CSNK1G1: variants seen among roughly 807,000 people sequenced by gnomAD.
The protein encoded by CSNK1G1 is casein kinase I isoform gamma-1.
CSNK1G1 carries 22 observed loss-of-function variants against 59.6 expected under a neutral mutation model. That is an observed-to-expected ratio of 0.37 (90% CI 0.26 to 0.53). The LOEUF is 0.53. Ranked by LOEUF, CSNK1G1 falls within the 20% of genes least tolerant of loss-of-function variation. The probability of loss-of-function intolerance (pLI) is 0.89; values close to 1 mark genes in which losing one functional copy is unlikely to be tolerated. For synonymous variants in CSNK1G1, 179 were observed against 177.1 expected (o/e 1.01, Z -0.08); for missense variants, 384 against 519.5 (o/e 0.74, Z 2.54).
At chr15:64,340,085 A>T (rs920093580) in intron 1 of CSNK1G1, among the ~76,000 whole-genome samples, 2 of 152,148 alleles carry the variant, frequency 1.3e-5, no homozygotes, top group Non-Finnish European at 2.9e-5. Flanking sequence ...TCATTTTTTT[A>T]AAAAACTGAG....
intron 4 of CSNK1G1, among the ~76,000 whole-genome samples, chr15:64,217,172 G>A (rs1482671614): frequency 6.6e-6 from 1 of 152,218 alleles, no homozygotes; most frequent in Non-Finnish European, 1.5e-5. Flanking sequence ...GTTGCCCTAT[G>A]GACAACTCAG....
At chr15:64,290,354 A>G (rs577475148) in intron 2 of CSNK1G1, among the ~76,000 whole-genome samples, 113 of 152,192 alleles carry the variant, frequency 7.4e-4, no homozygotes, top group Non-Finnish European at 1.4e-3. Flanking sequence ...TTACACACAC[A>G]CACACACACA....
intron 1 of CSNK1G1, among the ~76,000 whole-genome samples, chr15:64,302,900 G>A (rs1177992250): frequency 6.6e-6 from 1 of 151,908 alleles, no homozygotes; most frequent in Non-Finnish European, 1.5e-5. Context: ...TTTCATTTTT[G>A]CTCACTGTTT....
chr15:64,271,036 G>A (rs1893273824), intron 2 of CSNK1G1, among the ~76,000 whole-genome samples: 1 of 152,072 alleles, frequency 6.6e-6, no homozygotes, highest in South Asian at 2.1e-4. Flanking sequence ...AGGTTGGAGT[G>A]TAGCAGCACG....
At chr15:64,337,840 A>T (rs957879844) in intron 1 of CSNK1G1, among the ~76,000 whole-genome samples, 3 of 152,100 alleles carry the variant, frequency 2.0e-5, no homozygotes, top group Non-Finnish European at 4.4e-5. Context: ...GATAACCTCT[A>T]TTCTACTTTG....
At chr15:64,231,572 T>C (rs1363109259) in intron 4 of CSNK1G1, among the ~76,000 whole-genome samples, 2 of 151,664 alleles carry the variant, frequency 1.3e-5, no homozygotes, top group Non-Finnish European at 2.9e-5. Context: ...CTTTAATAAA[T>C]GCATGAACAG....
intron 1 of CSNK1G1, among the ~76,000 whole-genome samples, chr15:64,332,836 A>G (rs1404134273): frequency 6.6e-6 from 1 of 152,164 alleles, no homozygotes; most frequent in East Asian, 1.9e-4. Flanking sequence ...ATTTTTTAAA[A>G]GAATTTTTAG....
At position 64,169,240 on chromosome 15, in the gene CSNK1G1, T is replaced by G. The variant is rs1349592001; in HGVS notation, c.*2691A>C. On this transcript the variant is annotated 3_prime_UTR_variant, in exon 12 of 12. Coordinates refer to ENST00000303052, the MANE Select transcript of CSNK1G1 (RefSeq NM_022048.5). The stretch of plus-strand genomic sequence containing the variant: ...CCACCATTTCCCTCTGCCCTTTTTT[T>G]TTTTTCTTTTTAGACAGAGTCTCAC... 1 of 151,566 alleles carries G rather than the reference T, an allele frequency of 6.6e-6. No homozygotes were observed. The highest frequency in any genetic ancestry group is 6.6e-5 in the Admixed American group (1 of 15,234). 9.4% of individuals were successfully genotyped at this position (151,566 alleles called of 1,614,324 possible). A position where few individuals can be genotyped will look rare whatever the true frequency, so the allele number is the denominator to read the frequency against.
chr15:64,337,045 T>C (rs1032209307), intron 1 of CSNK1G1, among the ~76,000 whole-genome samples: 2 of 151,804 alleles, frequency 1.3e-5, no homozygotes, highest in Admixed American at 1.3e-4. Context: ...CTGGCCAACA[T>C]GGTGAAACCC....
At chr15:64,338,710 A>AC (rs1255493573) in intron 1 of CSNK1G1, among the ~76,000 whole-genome samples, 3 of 129,046 alleles carry the variant, frequency 2.3e-5, no homozygotes, top group Non-Finnish European at 3.4e-5. Context: ...CAAAAAAAAA[A>AC]AAAAAAAAAA....
chr15:64,321,309 G>A (rs1896554463), intron 1 of CSNK1G1, among the ~76,000 whole-genome samples: 1 of 146,804 alleles, frequency 6.8e-6, no homozygotes, highest in African/African-American at 2.5e-5. Context: ...AGGCTGGAGT[G>A]CAGCAGTGCA....
intron 10 of CSNK1G1, among the ~76,000 whole-genome samples, chr15:64,186,928 T>C (rs552324886): frequency 1.3e-5 from 2 of 148,468 alleles, no homozygotes; most frequent in African/African-American, 5.0e-5. Context: ...GGTTCAAGCG[T>C]TCTCCTGCCT....
intron 10 of CSNK1G1, among the ~76,000 whole-genome samples, chr15:64,193,464 C>T (rs2140232500): frequency 7.1e-6 from 1 of 141,066 alleles, no homozygotes; most frequent in Admixed American, 7.4e-5. Flanking sequence ...TGCACTCCAG[C>T]CTGGGCAACA....
In CSNK1G1 at chr15:64,165,925, T is replaced by G; in HGVS notation, c.*6006A>C. The G allele has an allele frequency of 1.7e-6, 1 of 587,784 alleles. No individual in the cohort carries two copies. The highest frequency in any genetic ancestry group is 3.0e-6 in the Non-Finnish European group (1 of 331,066). The allele number at this position is 587,784 out of a possible 1,614,324, so 36.4% of individuals were successfully genotyped here. A position where few individuals can be genotyped will look rare whatever the true frequency, so the allele number is the denominator to read the frequency against. On this transcript the variant is annotated 3_prime_UTR_variant, in exon 12 of 12. Transcript: ENST00000303052. ...TTTCTCCAAAGAAGGCTACTTCCTC[T>G]GCAGAGAAGATTTTCCTAATGGTGC... is the stretch of plus-strand genomic sequence containing the variant.
intron 3 of CSNK1G1, 160 bp downstream of exon 3, chr15:64,259,036 TCATCA>T (rs1892547517): frequency 1.7e-6 from 1 of 576,848 alleles, no homozygotes; most frequent in Non-Finnish European, 3.0e-6. Context: ...ATACAGTGAT[TCATCA>T]CTGTTAACAC....
At chr15:64,265,534 C>T (rs1285417281) in intron 2 of CSNK1G1, among the ~76,000 whole-genome samples, 1 of 152,078 alleles carries the variant, frequency 6.6e-6, no homozygotes, top group African/African-American at 2.4e-5. Flanking sequence ...ATTGTGAGGC[C>T]TCCCAGCTAT....
At chr15:64,327,308 A>G (rs1285453402) in intron 1 of CSNK1G1, among the ~76,000 whole-genome samples, 1 of 149,964 alleles carries the variant, frequency 6.7e-6, no homozygotes, top group Admixed American at 6.6e-5. Flanking sequence ...TGGTTCTCCC[A>G]GCACGCAGCT....
chr15:64,215,736 A>C (rs1217411325), intron 5 of CSNK1G1, among the ~76,000 whole-genome samples: 1 of 152,178 alleles, frequency 6.6e-6, no homozygotes, highest in African/African-American at 2.4e-5. Flanking sequence ...ATTTGTGTAT[A>C]ATTTGGTAGG....
chr15:64,177,008 A>C (rs2081748971), intron 11 of CSNK1G1, among the ~76,000 whole-genome samples: 1 of 152,204 alleles, frequency 6.6e-6, no homozygotes, highest in Admixed American at 6.5e-5. Flanking sequence ...CTGTAACAAA[A>C]ATCAACCAAA....
Sources: gnomAD v4.1 joint callset for allele counts (sites outside exome capture counted in the v4.1 genomes callset) on GRCh38, gnomAD v4.1.1 for gene constraint, MANE v1.5 for transcripts, NCBI Gene and HGNC (gene_info 2026-07-23, HGNC 2026-07-21) for gene names.